Variants in TENM3 observed in about 807,000 individuals in gnomAD.
TENM3 encodes teneurin-3.
TENM3 carries 63 observed loss-of-function variants against 255.1 expected under a neutral mutation model. The observed-to-expected ratio is 0.25, with a 90% confidence interval of 0.20 to 0.30. The LOEUF (loss-of-function observed/expected upper bound fraction) is 0.30. TENM3 is among the 10% of genes least tolerant of loss of function. The pLI is 1.00. For synonymous variants in TENM3, 1,306 were observed against 1,322.3 expected (o/e 0.99, Z 0.27); for missense variants, 2,929 against 3,461.1 (o/e 0.85, Z 3.86).
At chr4:181,495,202 A>G in the TENM3 span, among the ~76,000 whole-genome samples, 5 of 152,170 alleles carry the variant, frequency 3.3e-5, no homozygotes, top group East Asian at 1.9e-4. Flanking sequence ...CTTTCCTTCA[A>G]TGCAGATTAA....
the TENM3 span, among the ~76,000 whole-genome samples, chr4:181,836,186 C>CACACACAT: frequency 6.6e-6 from 1 of 151,146 alleles, no homozygotes; most frequent in South Asian, 2.1e-4. Context: ...CACACATGCA[C>CACACACAT]ACACACACAC....
At chr4:181,938,090 A>C in the TENM3 span, among the ~76,000 whole-genome samples, 3 of 152,208 alleles carry the variant, frequency 2.0e-5, no homozygotes, top group Admixed American at 6.5e-5. Flanking sequence ...AGTAATTTCA[A>C]GTAGATCTTA....
At chr4:182,002,594 G>C in the TENM3 span, among the ~76,000 whole-genome samples, 1 of 152,080 alleles carries the variant, frequency 6.6e-6, no homozygotes, top group Non-Finnish European at 1.5e-5. Flanking sequence ...GTTCCTACCT[G>C]TTAATCTGAT....
At chr4:182,189,557 G>A (rs1039798027) in intron 1 of TENM3, among the ~76,000 whole-genome samples, 7 of 152,268 alleles carry the variant, frequency 4.6e-5, no homozygotes, top group African/African-American at 1.4e-4. Context: ...GATGTGGGGC[G>A]CGGCACAAAC....
intron 1 of TENM3, among the ~76,000 whole-genome samples, chr4:182,226,191 A>G (rs534377917): frequency 7.2e-5 from 11 of 152,246 alleles, no homozygotes; most frequent in African/African-American, 2.4e-4. Context: ...AGCCAGGCTG[A>G]GAGAAAGGAA....
intron 3 of TENM3, among the ~76,000 whole-genome samples, chr4:182,489,727 A>G (rs1039579474): frequency 6.6e-6 from 1 of 151,802 alleles, no homozygotes; most frequent in Non-Finnish European, 1.5e-5. Flanking sequence ...AACATTGCCT[A>G]TTTCTTTTCT....
chr4:181,806,024 G>T, the TENM3 span, among the ~76,000 whole-genome samples: 1 of 152,054 alleles, frequency 6.6e-6, no homozygotes, highest in Non-Finnish European at 1.5e-5. Context: ...CAAACCTGCA[G>T]TATCATTTTA....
rs1764423942 is a variant in TENM3, at chr4:182,773,402, CATT to C, written c.4893-67_4893-65del. 15 of 1,379,184 alleles carry C rather than the reference CATT, an allele frequency of 1.1e-5. No individual in the cohort carries two copies. The South Asian group carries it at 2.0e-4, about 19-fold the overall frequency. 85.4% of individuals were successfully genotyped at this position (1,379,184 alleles called of 1,614,324 possible). On this transcript the variant is annotated intron_variant, in intron 22 of 27. Transcript: ENST00000511685. Reference sequence around the variant, plus strand: ...AATTTGTGCAACTAATATTGCTACACATTATATTTATAAGTCAGAAGAAACTGC... The same window carrying C: ...AATTTGTGCAACTAATATTGCTACACATATTTATAAGTCAGAAGAAACTGC...
At chr4:182,216,101 G>A (rs903434808) in intron 1 of TENM3, among the ~76,000 whole-genome samples, 3 of 152,136 alleles carry the variant, frequency 2.0e-5, no homozygotes, top group East Asian at 1.9e-4. Context: ...TAATCCACAC[G>A]TAATCATTAG....
chr4:182,057,084 C>T, the TENM3 span, among the ~76,000 whole-genome samples: 1 of 151,614 alleles, frequency 6.6e-6, no homozygotes. Context: ...ATTGCAGGCA[C>T]TGACACCAGC....
At chr4:182,518,476 A>G (rs1738227991) in intron 3 of TENM3, among the ~76,000 whole-genome samples, 1 of 152,138 alleles carries the variant, frequency 6.6e-6, no homozygotes, top group Non-Finnish European at 1.5e-5. Flanking sequence ...GAGCCCTTAA[A>G]AAAGATAAGA....
intron 1 of TENM3, chr4:182,190,439 G>GGCTCCT (rs1285008624): frequency 1.3e-5 from 2 of 152,132 alleles, no homozygotes; most frequent in Non-Finnish European, 2.9e-5. Flanking sequence ...TACAATTTCT[G>GGCTCCT]GCTCCTCATT....
intron 3 of TENM3, among the ~76,000 whole-genome samples, chr4:182,567,008 G>A (rs1489372214): frequency 2.0e-5 from 3 of 152,138 alleles, no homozygotes; most frequent in Middle Eastern, 3.2e-3. Flanking sequence ...AATGAAGCAT[G>A]TGTTAACTAC....
At chr4:181,968,361 C>T in the TENM3 span, among the ~76,000 whole-genome samples, 6 of 152,194 alleles carry the variant, frequency 3.9e-5, no homozygotes, top group African/African-American at 1.4e-4. Context: ...TCAGAACTGG[C>T]ATTCGGGCCG....
At chr4:182,682,357 T>C (rs1348672924) in intron 11 of TENM3, among the ~76,000 whole-genome samples, 2 of 152,154 alleles carry the variant, frequency 1.3e-5, no homozygotes. Context: ...GCACATTATC[T>C]TATAAACAGG....
At chr4:182,183,450 A>T (rs1323300741) in intron 1 of TENM3, among the ~76,000 whole-genome samples, 1 of 152,122 alleles carries the variant, frequency 6.6e-6, no homozygotes, top group Non-Finnish European at 1.5e-5. Context: ...CTTGATTATG[A>T]TTCATTCGTA....
At chr4:181,989,407 G>A in the TENM3 span, among the ~76,000 whole-genome samples, 1 of 152,010 alleles carries the variant, frequency 6.6e-6, no homozygotes, top group African/African-American at 2.4e-5. Flanking sequence ...GAGTGAGGTA[G>A]CAAGAACAGA....
chr4:182,268,810 C>T (rs142844173), intron 1 of TENM3, among the ~76,000 whole-genome samples: 33 of 152,242 alleles, frequency 2.2e-4, no homozygotes, highest in Middle Eastern at 3.4e-3. Context: ...TAATAATCTA[C>T]CCCTCATTTA....
At chr4:182,691,691 A>G (rs1757018780) in intron 12 of TENM3, among the ~76,000 whole-genome samples, 1 of 152,166 alleles carries the variant, frequency 6.6e-6, no homozygotes, top group Non-Finnish European at 1.5e-5. Context: ...TTGATTGGTG[A>G]TGCATGCAGA....
Sources: allele counts gnomAD v4.1 joint callset (sites outside exome capture counted in the v4.1 genomes callset), GRCh38; gene constraint gnomAD v4.1.1; transcripts MANE v1.5; gene names NCBI Gene and HGNC (gene_info 2026-07-23, HGNC 2026-07-21).